Variants in ZNF43 observed in about 807,000 individuals in gnomAD.
The protein encoded by ZNF43 is zinc finger protein 39-like 1 (KOX 27).
A neutral mutation model predicts 68.4 loss-of-function variants in ZNF43; 44 were observed. The observed-to-expected ratio is 0.64, with a 90% CI of 0.51 to 0.83. ZNF43 has a LOEUF of 0.83. Among genes scored for constraint, ZNF43 ranks in the 40% least tolerant of loss-of-function variants. The pLI is 0.00. For missense variants in ZNF43, 896 were observed against 933.2 expected, an observed-to-expected ratio of 0.96 and a Z score of 0.52; for synonymous variants, 308 against 307.8, an observed-to-expected ratio of 1.00 and a Z score of -0.01.
At chr19:21,829,337 A>C (rs183447704) in intron 1 of ZNF43, among the ~76,000 whole-genome samples, 1 of 152,324 alleles carries the variant, frequency 6.6e-6, no homozygotes, top group Admixed American at 6.5e-5. Context: ...CAGCCTGCAA[A>C]TATTAGATTA....
At chr19:21,849,070 C>T (rs1968152892) in intron 1 of ZNF43, among the ~76,000 whole-genome samples, 1 of 152,220 alleles carries the variant, frequency 6.6e-6, no homozygotes, top group East Asian at 1.9e-4. Context: ...TGGGCTCCAT[C>T]ACTGTGTGAG....
At chr19:21,829,681 T>C (rs2038327755) in intron 1 of ZNF43, among the ~76,000 whole-genome samples, 1 of 151,562 alleles carries the variant, frequency 6.6e-6, no homozygotes, top group African/African-American at 2.4e-5. Context: ...GATAAAAGAG[T>C]TGAACAAGAT....
At chr19:21,844,135 T>G (rs1315205674) in intron 1 of ZNF43, among the ~76,000 whole-genome samples, 1 of 151,856 alleles carries the variant, frequency 6.6e-6, no homozygotes, top group Non-Finnish European at 1.5e-5. Context: ...AGGCCCAGAC[T>G]GGGGCAGGTG....
At chr19:21,836,519 C>A (rs895076435), upstream of ZNF43, among the ~76,000 whole-genome samples, 10 of 152,322 alleles carry the variant, frequency 6.6e-5, no homozygotes, top group African/African-American at 2.2e-4. Context: ...GCTTTTATGA[C>A]CTTCCTGGCT....
At chr19:21,839,701 TC>T (rs1967381501), upstream of ZNF43, 1 of 152,144 alleles carries the variant, frequency 6.6e-6, no homozygotes, top group African/African-American at 2.4e-5. Context: ...TCACAATCTC[TC>T]CTATAGGGAA....
chr19:21,809,743 T>A lies in ZNF43; in HGVS notation c.294A>T (p.Lys98Asn), dbSNP rs1355817068. ...AGTTTTTATATCTTCTCAGTGTCGC[T>A]TTTTGGAAAGGATCTTTTATATGCT... is the stretch of plus-strand genomic sequence containing the variant. ...PEQHIKDPFQ[K>N]ATLRRYKNCE... The change falls in exon 4 of 4, where the codon AAA becomes AAT. Residue 98 changes from lysine (K) to asparagine (N), a missense_variant. Lys to Asn is a moderately conservative substitution (Grantham distance 94). Coordinates refer to ENST00000354959, the MANE Select transcript of ZNF43 (RefSeq NM_003423.4). 6.2e-7 allele frequency: 1 copy of A among 1,605,614 alleles called. No homozygotes were observed. Among genetic ancestry groups the A allele is most frequent in the East Asian group, 2.2e-5 (1 of 44,814 alleles).
intron 1 of ZNF43, among the ~76,000 whole-genome samples, chr19:21,832,397 T>C (rs1310682969): frequency 7.0e-6 from 1 of 141,910 alleles, no homozygotes; most frequent in Non-Finnish European, 1.6e-5. Flanking sequence ...ATTAAAGTCT[T>C]AAACTTAAAA....
intron 3 of ZNF43, chr19:21,811,868 G>GA: frequency 2.7e-6 from 1 of 376,550 alleles, no homozygotes; most frequent in Non-Finnish European, 4.7e-6. Flanking sequence ...AAAACACATA[G>GA]AAAAAAGGAA....
chr19:21,825,187 T>C (rs979683407), intron 1 of ZNF43, among the ~76,000 whole-genome samples: 2 of 152,050 alleles, frequency 1.3e-5, no homozygotes, highest in South Asian at 2.1e-4. Flanking sequence ...TGAGCCTAGA[T>C]TGCACCATTG....
chr19:21,847,535 A>G (rs1968040312), intron 1 of ZNF43, among the ~76,000 whole-genome samples: 2 of 152,046 alleles, frequency 1.3e-5, no homozygotes, highest in Non-Finnish European at 2.9e-5. Context: ...CATCTCTACT[A>G]AAAATACAAA....
intron 1 of ZNF43, among the ~76,000 whole-genome samples, chr19:21,819,604 G>A (rs1357769452): frequency 2.0e-5 from 3 of 152,138 alleles, no homozygotes; most frequent in Non-Finnish European, 2.9e-5. Flanking sequence ...ATATTAAGGT[G>A]TACAATAAAC....
Position 21,808,485 on chromosome 19 carries a change from C to G in ZNF43, c.1552G>C (p.Ala518Pro). 6.2e-7 allele frequency: 1 copy of G among 1,613,254 alleles called. No homozygotes were observed. The highest frequency in any genetic ancestry group is 8.5e-7 in the Non-Finnish European group (1 of 1,179,814). The change falls in exon 4 of 4, where the codon GCT (alanine) becomes CCT (proline). Residue 518 changes from alanine (A) to proline (P), a missense_variant. By Grantham distance (27) the Ala-to-Pro change is conservative. Coordinates refer to ENST00000354959, the MANE Select transcript of ZNF43 (RefSeq NM_003423.4). ...GTAAGCTTTGAGGACCACTTAAAAGCTTTGCCACATTCTTCACATTTGTAG... is the reference window on the plus strand; with the variant it reads ...GTAAGCTTTGAGGACCACTTAAAAGGTTTGCCACATTCTTCACATTTGTAG... ...KPYKCEECGK[A>P]FKWSSKLTEH...
intron 1 of ZNF43, chr19:21,851,125 A>C (rs1968322629): frequency 6.6e-6 from 1 of 152,210 alleles, no homozygotes; most frequent in Non-Finnish European, 1.5e-5. Flanking sequence ...ACAGCCTCAC[A>C]TGTGTACTGA....
At chr19:21,826,144 A>G (rs1443662158) in intron 1 of ZNF43, among the ~76,000 whole-genome samples, 1 of 151,342 alleles carries the variant, frequency 6.6e-6, no homozygotes, top group Non-Finnish European at 1.5e-5. Context: ...AAGCGACTAC[A>G]GTTAATTACA....
chr19:21,833,584 A>G (rs1351619398), intron 1 of ZNF43, among the ~76,000 whole-genome samples: 1 of 151,926 alleles, frequency 6.6e-6, no homozygotes, highest in Non-Finnish European at 1.5e-5. Context: ...ACACTGTAGC[A>G]CACATAGCCA....
chr19:21,828,607 C>T (rs1369055419), intron 1 of ZNF43, among the ~76,000 whole-genome samples: 1 of 152,022 alleles, frequency 6.6e-6, no homozygotes. Context: ...ACCCCAGCTA[C>T]TCAGGAGGCT....
chr19:21,837,161 G>A (rs963727529), upstream of ZNF43, among the ~76,000 whole-genome samples: 6 of 152,034 alleles, frequency 3.9e-5, no homozygotes, highest in African/African-American at 1.2e-4. Flanking sequence ...AGAAACTGAT[G>A]TAAAACATAA....
At chr19:21,831,184 C>G (rs549770346) in intron 1 of ZNF43, among the ~76,000 whole-genome samples, 6 of 152,138 alleles carry the variant, frequency 3.9e-5, no homozygotes, top group Admixed American at 1.3e-4. Context: ...TCTTTGAAAA[C>G]TGGCACAAGA....
chr19:21,835,926 C>A, intron 1 of ZNF43, 110 bp downstream of exon 1: 3 of 1,576,540 alleles, frequency 1.9e-6, no homozygotes, highest in Non-Finnish European at 2.6e-6. Context: ...GGATTGAGGC[C>A]GAGCTGGGCA....
Sources: allele counts gnomAD v4.1 joint callset (sites outside exome capture counted in the v4.1 genomes callset), GRCh38; gene constraint gnomAD v4.1.1; transcripts MANE v1.5; gene names NCBI Gene and HGNC (gene_info 2026-07-23, HGNC 2026-07-21).